Variants in HDAC8 observed in about 807,000 individuals in gnomAD.
The protein encoded by HDAC8 is histone deacetylase-like 1.
A neutral mutation model predicts 32.2 loss-of-function variants in HDAC8; 1 was observed. The observed-to-expected ratio is 0.03, with a 90% confidence interval of 0.01 to 0.15. HDAC8 has a LOEUF of 0.15. Ranked by LOEUF, HDAC8 falls within the 10% of genes least tolerant of loss-of-function variation. The probability of loss-of-function intolerance (pLI) is 1.00; values close to 1 mark genes in which losing one functional copy is unlikely to be tolerated. For missense variants in HDAC8, 117 were observed against 300.0 expected (o/e 0.39, Z 4.51); for synonymous variants, 108 against 113.9 (o/e 0.95, Z 0.33).
At chrX:72,559,482 C>T (rs1556109951) in intron 4 of HDAC8, among the ~76,000 whole-genome samples, 2 of 111,712 alleles carry the variant, frequency 1.8e-5, no homozygotes, top group Non-Finnish European at 3.8e-5. Flanking sequence ...AGCCTCTGCC[C>T]GGCCGCCACC....
At chrX:72,437,218 A>C (rs1448649321) in intron 9 of HDAC8, among the ~76,000 whole-genome samples, 16 of 111,594 alleles carry the variant, frequency 1.4e-4, no homozygotes, top group African/African-American at 4.6e-4. Flanking sequence ...GTGTTGCCTC[A>C]CCTGGGAAGT....
intron 7 of HDAC8, among the ~76,000 whole-genome samples, chrX:72,472,310 G>A (rs1001648803): frequency 5.4e-5 from 6 of 110,351 alleles, no homozygotes; most frequent in Admixed American, 9.5e-5. Context: ...CTCGTGATCC[G>A]CCCGCCTCGG....
chrX:72,443,810 G>A (rs1281637678), intron 9 of HDAC8, among the ~76,000 whole-genome samples: 1 of 109,247 alleles, frequency 9.2e-6, no homozygotes, highest in Non-Finnish European at 1.9e-5. Context: ...AAGAAGAAAA[G>A]AGAGAAGAAT....
intron 6 of HDAC8, 98 bp from the exon 7 acceptor site, chrX:72,489,139 T>A (rs2048774497): frequency 1.9e-6 from 1 of 523,058 alleles, no homozygotes; most frequent in Non-Finnish European, 3.1e-6. Context: ...GGAAAGAAAT[T>A]AAGAAAAATT....
chrX:72,384,787 T>A (rs1467607164), intron 9 of HDAC8, among the ~76,000 whole-genome samples: 1 of 112,522 alleles, frequency 8.9e-6, no homozygotes, highest in Non-Finnish European at 1.9e-5. Flanking sequence ...GATACCCAGT[T>A]CCCTTACCAG....
chrX:72,440,673 C>G (rs2047105617), intron 9 of HDAC8, among the ~76,000 whole-genome samples: 1 of 111,974 alleles, frequency 8.9e-6, no homozygotes, highest in Non-Finnish European at 1.9e-5. Context: ...GAGTGCCAGA[C>G]AGTGGGCACA....
chrX:72,518,110 A>G (rs782526352), intron 4 of HDAC8, among the ~76,000 whole-genome samples: 1 of 112,170 alleles, frequency 8.9e-6, no homozygotes, highest in Non-Finnish European at 1.9e-5. Flanking sequence ...AATTTTTAAC[A>G]GCTTGATTTA....
chrX:72,572,038 T>A lies in HDAC8; in HGVS notation c.164+19A>T, dbSNP rs188536186. The A allele has an allele frequency of 4.2e-5, 49 of 1,172,501 alleles. No individual in the cohort carries two copies. The African/African-American group carries it at 5.1e-4, about 12-fold the overall frequency. ...ACGAACACCTAGCTTCAGGGCTATG[T>A]TCAAGAAAGACAACTTACCTCATCT... On this transcript the variant is annotated intron_variant, in intron 2 of 10. Coordinates refer to ENST00000373573, the MANE Select transcript of HDAC8 (RefSeq NM_018486.3).
chrX:72,478,593 CT>C (rs2048404117), intron 7 of HDAC8, among the ~76,000 whole-genome samples: 1 of 110,318 alleles, frequency 9.1e-6, no homozygotes, highest in South Asian at 3.9e-4. Flanking sequence ...TGCCCTTTTG[CT>C]TATTAACTTG....
At chrX:72,354,368 C>T (rs73551091) in intron 9 of HDAC8, among the ~76,000 whole-genome samples, 12,033 of 112,021 alleles carry the variant, frequency 0.11, 614 homozygotes, top group South Asian at 0.34. Context: ...TTCTACATGG[C>T]AGCTGGCTGG....
intron 4 of HDAC8, among the ~76,000 whole-genome samples, chrX:72,525,177 G>A (rs1308456298): frequency 8.9e-6 from 1 of 112,251 alleles, no homozygotes; most frequent in African/African-American, 3.2e-5. Context: ...TTCATAGGTT[G>A]GTCTGTCTAC....
chrX:72,461,106 A>C (rs186428242), intron 9 of HDAC8, among the ~76,000 whole-genome samples: 3 of 112,458 alleles, frequency 2.7e-5, no homozygotes, highest in Admixed American at 9.4e-5. Flanking sequence ...CCAAGTGTAC[A>C]GCTACTGTAT....
chrX:72,467,554 G>GT (rs1457600501), intron 7 of HDAC8: 2 of 119,617 alleles, frequency 1.7e-5, no homozygotes, highest in African/African-American at 6.5e-5. Flanking sequence ...AGCGGGAGTG[G>GT]TGGGATGAGG....
intron 7 of HDAC8, among the ~76,000 whole-genome samples, chrX:72,478,432 G>A (rs782356327): frequency 1.8e-5 from 2 of 110,965 alleles, no homozygotes; most frequent in Admixed American, 9.6e-5. Context: ...CCCCTAACAC[G>A]TTTAAGATGG....
chrX:72,463,745 C>T (rs1480010266), intron 8 of HDAC8, among the ~76,000 whole-genome samples: 2 of 111,578 alleles, frequency 1.8e-5, no homozygotes, highest in African/African-American at 6.5e-5. Flanking sequence ...TTAATAAGGC[C>T]TCCCCACAAT....
chrX:72,478,136 C>A (rs781819222), intron 7 of HDAC8, among the ~76,000 whole-genome samples: 1 of 112,233 alleles, frequency 8.9e-6, no homozygotes, highest in East Asian at 2.8e-4. Context: ...CAGGACTGCA[C>A]GGGGGAATGT....
At chrX:72,421,186 T>C (rs1224657383) in intron 9 of HDAC8, among the ~76,000 whole-genome samples, 1 of 111,592 alleles carries the variant, frequency 9.0e-6, no homozygotes, top group Non-Finnish European at 1.9e-5. Flanking sequence ...TACAATCTAG[T>C]TTGAATTGAT....
rs1450284816 is a variant in HDAC8 at position 72,424,644 on chromosome X, C to T, written c.1005+37360G>A. ...TTTTCATAACACTGCACAACCATTACCGTTATCCACTTCCAGAACTTTTTC... is the reference window on the plus strand; with the variant it reads ...TTTTCATAACACTGCACAACCATTATCGTTATCCACTTCCAGAACTTTTTC... On this transcript the variant is annotated intron_variant, in intron 9 of 10. Transcript: ENST00000373573. Among the ~76,000 whole-genome samples, 8 of 111,865 alleles carry T rather than the reference C, an allele frequency of 7.2e-5. No individual in the cohort carries two copies. The Admixed American group carries it at 7.6e-4, about 11-fold the overall frequency.
chrX:72,360,227 C>A (rs1361292494), intron 9 of HDAC8, among the ~76,000 whole-genome samples: 2 of 106,642 alleles, frequency 1.9e-5, no homozygotes, highest in South Asian at 8.6e-4. Context: ...TGGTGCCGCA[C>A]ACCTGTAATC....
Sources: gnomAD v4.1 joint callset for allele counts (sites outside exome capture counted in the v4.1 genomes callset) on GRCh38, gnomAD v4.1.1 for gene constraint, MANE v1.5 for transcripts, NCBI Gene and HGNC (gene_info 2026-07-23, HGNC 2026-07-21) for gene names.